Variants in LGALS8 observed in about 807,000 individuals in gnomAD.
The protein encoded by LGALS8 is galectin 8, also known as galectin-8.
A neutral mutation model predicts 35.9 loss-of-function variants in LGALS8; 30 were observed. The observed-to-expected ratio is 0.83, with a 90% CI of 0.62 to 1.13. The LOEUF is 1.13. Among genes scored for constraint, LGALS8 ranks in the 50% most tolerant of loss-of-function variants. LGALS8 has a pLI of 0.00. For synonymous variants in LGALS8, 138 were observed against 136.1 expected (o/e 1.01, Z -0.10); for missense variants, 366 against 388.7 (o/e 0.94, Z 0.49).
upstream of LGALS8, among the ~76,000 whole-genome samples, chr1:236,521,444 TAGG>T (rs1660546688): frequency 2.0e-5 from 3 of 152,036 alleles, no homozygotes; most frequent in Middle Eastern, 3.4e-3. Flanking sequence ...AGGAAAGTAG[TAGG>T]AGATGAAATC....
Position 236,531,416 on chromosome 1 carries a change from C to T in LGALS8, c.45+5301C>T, listed in dbSNP as rs182724075. Among the ~76,000 whole-genome samples, 455 of 152,250 alleles carry T rather than the reference C, an allele frequency of 3.0e-3. 5 individuals carry two copies. The highest frequency in any genetic ancestry group is 0.01 in the African/African-American group (423 of 41,544). ...TTGGCTTACTGCAAGCTCCGCCTCC[C>T]GGGTTCACACCATTCTCCTGCCTCA... On this transcript the variant is annotated intron_variant, in intron 2 of 9. Transcript: ENST00000366584.
upstream of LGALS8, among the ~76,000 whole-genome samples, chr1:236,521,562 C>T (rs977026693): frequency 1.3e-5 from 2 of 152,182 alleles, no homozygotes; most frequent in African/African-American, 2.4e-5. Flanking sequence ...GATGCAGTGG[C>T]TCACACCTGC....
chr1:236,524,348 C>A (rs781164847), intron 1 of LGALS8: 1 of 455,854 alleles, frequency 2.2e-6, no homozygotes, highest in Non-Finnish European at 4.4e-6. Context: ...AGGCTGTTTG[C>A]CCTGGGGTGT....
Position 236,550,917 on chromosome 1 carries a change from G to A in LGALS8, c.*2756G>A, listed in dbSNP as rs779462252. 2 of 1,606,250 alleles carry A rather than the reference G, an allele frequency of 1.2e-6. No individual in the cohort carries two copies. Among genetic ancestry groups the A allele is most frequent in the South Asian group, 1.1e-5 (1 of 89,508 alleles). On this transcript the variant is annotated 3_prime_UTR_variant, in exon 10 of 10. Transcript: ENST00000366584. ...ACAGAAAGTCTTAGAAATAGCTCTG[G>A]AGTGGCTCTCCCAGGACAGTTTCCA...
chr1:236,528,243 G>A (rs936077249), intron 2 of LGALS8, among the ~76,000 whole-genome samples: 4 of 151,830 alleles, frequency 2.6e-5, no homozygotes, highest in East Asian at 2.0e-4. Context: ...TTAGCCAGGC[G>A]TGATGGCAGC....
Position 236,537,021 on chromosome 1 carries a change from C to CTTTTTTTTTTTTTTTTTTT in LGALS8, c.46-463_46-462insTTTTTTTTTTTTTTTTTTT, listed in dbSNP as rs60024224. 6.5e-5 allele frequency among the ~76,000 whole-genome samples: 9 copies of CTTTTTTTTTTTTTTTTTTT among 137,848 alleles called. 1 individual carries two copies. The highest frequency in any genetic ancestry group is 2.6e-4 in the African/African-American group (9 of 34,402). The allele number at this position is 137,848 out of a possible 152,430, so 90.4% of individuals were successfully genotyped here. On this transcript the variant is annotated intron_variant, in intron 2 of 9. Transcript: ENST00000366584. ...ATCCTGGCCATGAGGTATGCAGTTC[C>CTTTTTTTTTTTTTTTTTTT]TTTTTTTTTTTTTGAGACGGAGCCT...
In LGALS8 at chr1:236,526,657, G is replaced by A. The variant is rs1243747424; in HGVS notation, c.45+542G>A. Among the ~76,000 whole-genome samples the A allele has an allele frequency of 1.3e-5, 2 of 152,158 alleles. No homozygotes were observed. The highest frequency in any genetic ancestry group is 4.8e-5 in the African/African-American group (2 of 41,424). On this transcript the variant is annotated intron_variant, in intron 2 of 9. Coordinates refer to ENST00000366584, the MANE Select transcript of LGALS8 (RefSeq NM_201544.4). This position sits in a 1 kb window ranked among gnomAD's most constrained non-coding sequence, Gnocchi z 4.6. ...GACTGTAATTGCTGGAAATTGCCCT[G>A]TAATCCTGAGCAGTAAAGAGCTTGT...
In LGALS8 at chr1:236,526,080, T is replaced by C. The variant is rs2103066779; in HGVS notation, c.10T>C (p.Ser4Pro). The change falls in exon 2 of 10, where the codon TCC becomes CCC. Residue 4 changes from serine (S) to proline (P), a missense_variant. Physicochemically the swap from Ser to Pro is moderately conservative, Grantham distance 74 (BLOSUM62 -1). Coordinates refer to ENST00000366584, the MANE Select transcript of LGALS8 (RefSeq NM_201544.4). The surrounding 1 kb of genome is among the most constrained non-coding windows in gnomAD (Gnocchi z 4.6). MML[S>P]LNNLQNIIYN... ...AAGAAGCTGGAAAAGAATGATGTTG[T>C]CCTTAAACAACCTACAGAATATCAT... 1.9e-6 allele frequency: 3 copies of C among 1,612,440 alleles called. No homozygotes were observed. The highest frequency in any genetic ancestry group is 1.7e-6 in the Non-Finnish European group (2 of 1,178,804).
intron 6 of LGALS8, chr1:236,542,246 T>G (rs1382899116): frequency 5.9e-6 from 1 of 170,482 alleles, no homozygotes; most frequent in African/African-American, 2.4e-5. Context: ...GCGCTTTGGC[T>G]GAGGTGGGGG....
rs1181997868 is a variant in LGALS8 at position 236,549,253 on chromosome 1, T to G, written c.*1092T>G. 3 of 341,332 alleles carry G rather than the reference T, an allele frequency of 8.8e-6. No homozygotes were observed. The highest frequency in any genetic ancestry group is 1.6e-5 in the Non-Finnish European group (3 of 190,208). 21.1% of individuals were successfully genotyped at this position (341,332 alleles called of 1,614,324 possible). A position where few individuals can be genotyped will look rare whatever the true frequency, so the allele number is the denominator to read the frequency against. On this transcript the variant is annotated 3_prime_UTR_variant, in exon 10 of 10. Transcript: ENST00000366584. ...CACTTTACGTGATTAAAATCAAACCTGTATCAGCAAGTTAAATGGTTCCAT... is the reference window on the plus strand; with the variant it reads ...CACTTTACGTGATTAAAATCAAACCGGTATCAGCAAGTTAAATGGTTCCAT...
intron 3 of LGALS8, 79 bp downstream of exon 3, chr1:236,537,664 G>T: frequency 1.9e-6 from 2 of 1,062,236 alleles, no homozygotes; most frequent in Admixed American, 1.9e-5. Flanking sequence ...AGTAAGGCGG[G>T]AGAGACCATT....
chr1:236,528,197 A>G (rs1386200581), intron 2 of LGALS8, among the ~76,000 whole-genome samples: 2 of 152,140 alleles, frequency 1.3e-5, no homozygotes, highest in Non-Finnish European at 2.9e-5. Flanking sequence ...CCTGGCCAAG[A>G]TGGCGAAACT....
chr1:236,535,402 T>G (rs1407032515), intron 2 of LGALS8, among the ~76,000 whole-genome samples: 6 of 152,168 alleles, frequency 3.9e-5, no homozygotes, highest in Non-Finnish European at 7.3e-5. Context: ...AGCAAGGTTT[T>G]CTTTTTAATG....
At chr1:236,520,100 G>A (rs1660510157), upstream of LGALS8, among the ~76,000 whole-genome samples, 1 of 151,770 alleles carries the variant, frequency 6.6e-6, no homozygotes, top group Non-Finnish European at 1.5e-5. Context: ...GAAATTACAG[G>A]CATGCGCCAC....
chr1:236,525,803 T>C (rs1571987752), intron 1 of LGALS8, among the ~76,000 whole-genome samples, 165 bp from the exon 2 acceptor site: 2 of 152,230 alleles, frequency 1.3e-5, no homozygotes, highest in East Asian at 1.9e-4. Flanking sequence ...AATTATTTAG[T>C]ATATGAGCAC....
At chr1:236,525,947 C>T (rs761036525) in intron 1 of LGALS8, 21 bp from the exon 2 acceptor site, 38 of 565,146 alleles carry the variant, frequency 6.7e-5, no homozygotes, top group Middle Eastern at 2.7e-4. Context: ...TTTTCTTTTC[C>T]TCTATTTTTA....
intron 2 of LGALS8, among the ~76,000 whole-genome samples, chr1:236,532,931 T>C (rs981613895): frequency 2.0e-5 from 3 of 152,210 alleles, no homozygotes; most frequent in African/African-American, 7.2e-5. Context: ...CAGTTTCCTT[T>C]GAAACATCTC....
rs1376967962 is a variant in LGALS8 at position 236,526,885 on chromosome 1, C to T, written c.45+770C>T. 1.3e-5 allele frequency among the ~76,000 whole-genome samples: 2 copies of T among 152,052 alleles called. No homozygotes were observed. Among genetic ancestry groups the T allele is most frequent in the Non-Finnish European group, 2.9e-5 (2 of 68,014 alleles). ...AGTGTGTGTGGGTTCAAGTTTTTGT[C>T]ATTTACTTTATAGCTGTATTTCCTT... On this transcript the variant is annotated intron_variant, in intron 2 of 9. Transcript: ENST00000366584. The surrounding 1 kb of genome is among the most constrained non-coding windows in gnomAD (Gnocchi z 4.6).
Position 236,538,157 on chromosome 1 carries a change from G to A in LGALS8, c.134+572G>A, listed in dbSNP as rs115231630. 4.3e-3 allele frequency among the ~76,000 whole-genome samples: 650 copies of A among 150,602 alleles called. 5 individuals are homozygous for A. Among genetic ancestry groups the A allele is most frequent in the African/African-American group, 0.015 (599 of 41,252 alleles). On this transcript the variant is annotated intron_variant, in intron 3 of 9. Transcript: ENST00000366584. The stretch of plus-strand genomic sequence containing the variant: ...AAAGGAATTGTGGTCAGATGACAGG[G>A]ACAGTCTAGTTTTAGTCTGACATTC...
Sources: gnomAD v4.1 joint callset for allele counts (sites outside exome capture counted in the v4.1 genomes callset) on GRCh38, gnomAD v4.1.1 for gene constraint, Gnocchi (gnomAD v3.1) non-coding constraint, MANE v1.5 for transcripts, NCBI Gene and HGNC (gene_info 2026-07-23, HGNC 2026-07-21) for gene names.